FAM216B: variants seen among roughly 807,000 people sequenced by gnomAD.
FAM216B encodes the protein protein FAM216B.
FAM216B carries 11 observed loss-of-function variants against 12.9 expected under a neutral mutation model. The ratio of observed to expected loss-of-function variants is 0.86; its 90% CI spans 0.54 to 1.42. FAM216B has a LOEUF of 1.42. Among genes scored for constraint, FAM216B ranks in the 40% most tolerant of loss-of-function variants. FAM216B has a pLI of 0.00. For missense variants in FAM216B, 167 were observed against 162.9 expected (o/e 1.02, Z -0.14); for synonymous variants, 52 against 57.2 (o/e 0.91, Z 0.41).
At chr13:42,782,865 A>G (rs1873913704) in intron 1 of FAM216B, among the ~76,000 whole-genome samples, 1 of 152,200 alleles carries the variant, frequency 6.6e-6, no homozygotes, top group Admixed American at 6.5e-5. Flanking sequence ...CAAGAAGTGG[A>G]GAATGACGTA....
At chr13:42,784,525 T>G (rs1457574429) in intron 2 of FAM216B, among the ~76,000 whole-genome samples, 2 of 151,620 alleles carry the variant, frequency 1.3e-5, no homozygotes, top group African/African-American at 4.8e-5. Context: ...GCTGTAAAAA[T>G]TTCAGTTCTC....
In FAM216B at chr13:42,786,927, A is replaced by G. The variant is rs758698254; in HGVS notation, c.220+44A>G. 6 of 1,607,472 alleles carry G rather than the reference A, an allele frequency of 3.7e-6. No homozygotes were observed. In the East Asian group the frequency reaches 6.7e-5, roughly 18 times the overall value. ...TCCAAACTAAGCACCTAAGGAATCA[A>G]CTCGTGCTGTAGCCAGAAGTCGTTT... On this transcript the variant is annotated intron_variant, in intron 3 of 3. Transcript: ENST00000313851.
At chr13:42,786,636 T>TAAA (rs57301416) in intron 2 of FAM216B, 127 bp from the exon 3 acceptor site, 118,271 of 1,052,216 alleles carry the variant, frequency 0.11, 3,036 homozygotes, top group East Asian at 0.15. Flanking sequence ...TGTTGCACAT[T>TAAA]AAAAAAAAAA....
Position 42,789,636 on chromosome 13 carries a change from T to TGTGTG in FAM216B, c.*846_*847insGTGTG, listed in dbSNP as rs1874237996. 1 of 150,260 alleles carries TGTGTG rather than the reference T, an allele frequency of 6.7e-6. No individual in the cohort carries two copies. The highest frequency in any genetic ancestry group is 6.6e-5 in the Admixed American group (1 of 15,070). 9.3% of individuals were successfully genotyped at this position (150,260 alleles called of 1,614,324 possible). On this transcript the variant is annotated 3_prime_UTR_variant, in exon 4 of 4. Transcript: ENST00000313851. ...ATGGTTATTTTCATCACCAGAGATT[T>TGTGTG]TGTGTGTGTGTGTGTGTGTGTGTGT...
At chr13:42,787,030 G>A (rs1874120224) in intron 3 of FAM216B, 147 bp downstream of exon 3, 2 of 1,269,992 alleles carry the variant, frequency 1.6e-6, no homozygotes, top group African/African-American at 1.5e-5. Context: ...AAGTTTCAAA[G>A]TGCTTATTCT....
chr13:42,788,691 G>T lies in FAM216B; in HGVS notation c.321G>T (p.Arg107=), dbSNP rs143345663. 9.9e-6 allele frequency: 16 copies of T among 1,613,886 alleles called. No homozygotes were observed. In the African/African-American group the frequency reaches 1.7e-4, roughly 17 times the overall value. The part of the protein sequence containing the change: ...AKVAPQRTIP[R]KTSAMTRRCP... ...TAGCTCCTCAAAGAACCATTCCCCG[G>T]AAAACTTCAGCCATGACAAGAAGAT... is the stretch of plus-strand genomic sequence containing the variant. The change falls in exon 4 of 4, where the codon CGG becomes CGT. Residue 107 remains arginine, a synonymous_variant. Transcript: ENST00000313851.
At chr13:42,784,480 T>C (rs1429950974) in intron 2 of FAM216B, among the ~76,000 whole-genome samples, 3 of 151,704 alleles carry the variant, frequency 2.0e-5, no homozygotes, top group Non-Finnish European at 4.4e-5. Flanking sequence ...TAGTTCCTTT[T>C]GGTCAAAGTT....
Position 42,788,883 on chromosome 13 carries a change from A to C in FAM216B, c.*93A>C. On this transcript the variant is annotated 3_prime_UTR_variant, in exon 4 of 4. Coordinates refer to ENST00000313851, the MANE Select transcript of FAM216B (RefSeq NM_001318932.2). ...GCATATTTGTTGAATGACAGTGAAT[A>C]ATTTCTAATATAAACCCCAGACCTA... The C allele has an allele frequency of 8.3e-7, 1 of 1,209,796 alleles. No homozygotes were observed. The allele number at this position is 1,209,796 out of a possible 1,614,324, so 74.9% of individuals were successfully genotyped here. A position where few individuals can be genotyped will look rare whatever the true frequency, so the allele number is the denominator to read the frequency against.
At chr13:42,786,680 C>A in intron 2 of FAM216B, 83 bp from the exon 3 acceptor site, 11 of 1,452,186 alleles carry the variant, frequency 7.6e-6, no homozygotes, top group South Asian at 3.0e-5. Flanking sequence ...CTCTTATTTC[C>A]ATAAAAGTTT....
Position 42,789,872 on chromosome 13 carries a change from T to A in FAM216B, c.*1082T>A, listed in dbSNP as rs1230251626. On this transcript the variant is annotated 3_prime_UTR_variant, in exon 4 of 4. Transcript: ENST00000313851. ...GCATTATTATCAGAAAAAAAATCAT[T>A]ATCTTCTCTTTGCAATCATGAACAT... The A allele has an allele frequency of 6.6e-6, 1 of 152,206 alleles. No homozygotes were observed. The highest frequency in any genetic ancestry group is 1.5e-5 in the Non-Finnish European group (1 of 68,032). The allele number at this position is 152,206 out of a possible 1,614,324, so 9.4% of individuals were successfully genotyped here. A position where few individuals can be genotyped will look rare whatever the true frequency, so the allele number is the denominator to read the frequency against.
At chr13:42,784,265 C>A in intron 2 of FAM216B, 99 bp downstream of exon 2, 2 of 816,766 alleles carry the variant, frequency 2.4e-6, no homozygotes, top group Non-Finnish European at 3.7e-6. Context: ...GTTTACCTAG[C>A]ATTAAGAAGA....
intron 1 of FAM216B, among the ~76,000 whole-genome samples, chr13:42,782,517 C>G (rs1042482203): frequency 1.3e-5 from 2 of 152,164 alleles, no homozygotes; most frequent in Non-Finnish European, 2.9e-5. Context: ...TAATAATCTA[C>G]GTTTAGCAGA....
In FAM216B at chr13:42,788,881, A is replaced by G; in HGVS notation, c.*91A>G. 8.3e-7 allele frequency: 1 copy of G among 1,207,252 alleles called. No homozygotes were observed. Among genetic ancestry groups the G allele is most frequent in the African/African-American group, 1.5e-5 (1 of 65,206 alleles). 74.8% of individuals were successfully genotyped at this position (1,207,252 alleles called of 1,614,324 possible). A position where few individuals can be genotyped will look rare whatever the true frequency, so the allele number is the denominator to read the frequency against. On this transcript the variant is annotated 3_prime_UTR_variant, in exon 4 of 4. Coordinates refer to ENST00000313851, the MANE Select transcript of FAM216B (RefSeq NM_001318932.2). ...GTGCATATTTGTTGAATGACAGTGA[A>G]TAATTTCTAATATAAACCCCAGACC...
intron 1 of FAM216B, among the ~76,000 whole-genome samples, chr13:42,783,314 AC>A (rs1357382351): frequency 2.6e-5 from 4 of 152,250 alleles, no homozygotes; most frequent in Admixed American, 6.5e-5. Flanking sequence ...TCTCAAAAAA[AC>A]ATATAAATAA....
intron 2 of FAM216B, among the ~76,000 whole-genome samples, chr13:42,785,891 G>A (rs1211590742): frequency 6.6e-6 from 1 of 151,968 alleles, no homozygotes; most frequent in Admixed American, 6.6e-5. Flanking sequence ...CACATCCCAG[G>A]CCTCTACTCA....
Position 42,788,707 on chromosome 13 carries a change from A to G in FAM216B, c.337A>G (p.Thr113Ala), listed in dbSNP as rs777343295. Residue 113 changes from threonine (T) to alanine (A), a missense_variant, in exon 4 of 4, where the codon ACA (threonine) becomes GCA (alanine). Coordinates refer to ENST00000313851, the MANE Select transcript of FAM216B (RefSeq NM_001318932.2). ...CATTCCCCGGAAAACTTCAGCCATG[A>G]CAAGAAGATGTCCATCAGTACTACC... Reference protein sequence around the residue: ...RTIPRKTSAMTRRCPSVLPVS... With the variant: ...RTIPRKTSAMARRCPSVLPVS... 1 of 1,613,940 alleles carries G rather than the reference A, an allele frequency of 6.2e-7. No homozygotes were observed. The highest frequency in any genetic ancestry group is 8.5e-7 in the Non-Finnish European group (1 of 1,179,858).
chr13:42,788,683 A>G lies in FAM216B; in HGVS notation c.313A>G (p.Ile105Val). ...ASAKVAPQRT[I>V]PRKTSAMTRR... ...AGCCAAGGTAGCTCCTCAAAGAACC[A>G]TTCCCCGGAAAACTTCAGCCATGAC... The change falls in exon 4 of 4, where the codon ATT becomes GTT. Residue 105 changes from isoleucine to valine, a missense_variant. Coordinates refer to ENST00000313851, the MANE Select transcript of FAM216B (RefSeq NM_001318932.2). 6.2e-7 allele frequency: 1 copy of G among 1,613,982 alleles called. No homozygotes were observed. The highest frequency in any genetic ancestry group is 8.5e-7 in the Non-Finnish European group (1 of 1,179,882).
At chr13:42,785,416 G>C (rs2138034461) in intron 2 of FAM216B, among the ~76,000 whole-genome samples, 2 of 152,194 alleles carry the variant, frequency 1.3e-5, no homozygotes, top group Middle Eastern at 6.8e-3. Context: ...TTATTGCATA[G>C]TTATCAACCC....
intron 3 of FAM216B, among the ~76,000 whole-genome samples, chr13:42,787,639 G>A (rs537572424): frequency 3.9e-5 from 6 of 152,172 alleles, no homozygotes; most frequent in Admixed American, 3.3e-4. Flanking sequence ...TCATCATACC[G>A]TTCTCCTAAC....
Sources: allele counts gnomAD v4.1 joint callset (sites outside exome capture counted in the v4.1 genomes callset), GRCh38; gene constraint gnomAD v4.1.1; transcripts MANE v1.5; gene names NCBI Gene and HGNC (gene_info 2026-07-23, HGNC 2026-07-21).